SIN3A: variants seen among roughly 807,000 people sequenced by gnomAD.
SIN3A encodes SIN3 transcription regulator family member A.
In SIN3A, 14 loss-of-function variants were observed where a neutral mutation model predicts 146.1. That is an observed-to-expected ratio of 0.10 (90% confidence interval 0.06 to 0.15). The LOEUF (loss-of-function observed/expected upper bound fraction) is 0.15, where lower values mean the gene tolerates loss of function less well. Ranked by LOEUF, SIN3A falls within the 10% of genes least tolerant of loss-of-function variation. The pLI, the probability that SIN3A is intolerant of heterozygous loss-of-function variation, is 1.00. For synonymous variants in SIN3A, 572 were observed against 572.0 expected, an observed-to-expected ratio of 1.00 and a Z score of 0.00; for missense variants, 1,028 against 1,576.0, an observed-to-expected ratio of 0.65 and a Z score of 5.89.
intron 12 of SIN3A, among the ~76,000 whole-genome samples, chr15:75,396,929 ACAAT>A (rs1318779686): frequency 6.6e-6 from 1 of 152,206 alleles, no homozygotes; most frequent in Non-Finnish European, 1.5e-5. Context: ...ACAAACAATA[ACAAT>A]CAAAACAATC....
chr15:75,397,634 C>G (rs1000335607), intron 12 of SIN3A, among the ~76,000 whole-genome samples: 2 of 152,204 alleles, frequency 1.3e-5, no homozygotes, highest in Non-Finnish European at 2.9e-5. Context: ...TGGGAGTTGT[C>G]TGTACTGAGG....
rs1354459466 is a variant in SIN3A at position 75,371,308 on chromosome 15, C to T, written c.*671G>A. The T allele has an allele frequency of 2.6e-5, 4 of 152,394 alleles. No homozygotes were observed. Among genetic ancestry groups the T allele is most frequent in the African/African-American group, 9.7e-5 (4 of 41,354 alleles). The allele number at this position is 152,394 out of a possible 1,614,324, so 9.4% of individuals were successfully genotyped here. Reference sequence around the variant, plus strand: ...CAGATACAAAACAGTTCCACGGGAGCTAAAAAGGACAACTGATTTGAACTC... The same window carrying T: ...CAGATACAAAACAGTTCCACGGGAGTTAAAAAGGACAACTGATTTGAACTC... On this transcript the variant is annotated 3_prime_UTR_variant, in exon 21 of 21. Coordinates refer to ENST00000394947, the MANE Select transcript of SIN3A (RefSeq NM_001145358.2).
At chr15:75,430,845 G>A (rs983489157) in intron 1 of SIN3A, among the ~76,000 whole-genome samples, 2 of 151,204 alleles carry the variant, frequency 1.3e-5, no homozygotes, top group South Asian at 2.1e-4. Flanking sequence ...GTGCCATCTC[G>A]GCTCACTGCA....
chr15:75,440,479 G>C (rs563885327), intron 1 of SIN3A, among the ~76,000 whole-genome samples: 1 of 151,904 alleles, frequency 6.6e-6, no homozygotes, highest in Non-Finnish European at 1.5e-5. Context: ...TGATCTGCCC[G>C]CTTCAGCCAC....
At chr15:75,421,717 T>G (rs1485543553) in intron 3 of SIN3A, 1 of 152,180 alleles carries the variant, frequency 6.6e-6, no homozygotes, top group Admixed American at 6.6e-5. Flanking sequence ...TCAGAGTTCC[T>G]CCATTTATTA....
intron 15 of SIN3A, among the ~76,000 whole-genome samples, chr15:75,391,147 G>A: frequency 6.6e-6 from 1 of 152,168 alleles, no homozygotes; most frequent in South Asian, 2.1e-4. Context: ...ATAGGCTATA[G>A]ACTCCAAAAT....
In SIN3A at chr15:75,380,868, A is replaced by G. The variant is rs4886697; in HGVS notation, c.3289-145T>C. 9.3e-3 allele frequency: 5,806 copies of G among 624,016 alleles called. 176 individuals carry two copies. Among genetic ancestry groups the G allele is most frequent in the East Asian group, 0.092 (3,203 of 34,984 alleles). 38.7% of individuals were successfully genotyped at this position (624,016 alleles called of 1,614,324 possible). On this transcript the variant is annotated intron_variant, in intron 18 of 20. Transcript: ENST00000394947. ...AAAAGTCCCTTTCTATAAAGACATG[A>G]TTGTTAGTAGGTATTGGAACACGGA...
intron 9 of SIN3A, 81 bp from the exon 10 acceptor site, chr15:75,402,051 G>C (rs1394633746): frequency 3.5e-6 from 3 of 851,684 alleles, no homozygotes; most frequent in Non-Finnish European, 5.8e-6. Flanking sequence ...CTGTCGCCCA[G>C]GAGGAGGCGC....
At chr15:75,430,660 G>A (rs968012396) in intron 1 of SIN3A, among the ~76,000 whole-genome samples, 14 of 152,036 alleles carry the variant, frequency 9.2e-5, no homozygotes, top group African/African-American at 3.1e-4. Context: ...TGAAAAATAC[G>A]CTCCAATTTA....
intron 19 of SIN3A, among the ~76,000 whole-genome samples, chr15:75,378,887 GATAT>G (rs61263220): frequency 5.5e-5 from 8 of 144,958 alleles, no homozygotes; most frequent in Admixed American, 2.1e-4. Context: ...ATATAATAGG[GATAT>G]ATATATATAT....
At chr15:75,381,314 G>T (rs973243564) in intron 18 of SIN3A, among the ~76,000 whole-genome samples, 1 of 152,180 alleles carries the variant, frequency 6.6e-6, no homozygotes, top group Non-Finnish European at 1.5e-5. Flanking sequence ...GATGACATGA[G>T]AAAGACCTCA....
intron 19 of SIN3A, 78 bp downstream of exon 19, chr15:75,380,551 G>C: frequency 9.2e-7 from 1 of 1,086,762 alleles, no homozygotes; most frequent in Non-Finnish European, 1.4e-6. Flanking sequence ...TGAAGGCCAA[G>C]AACGTGAAAG....
intron 2 of SIN3A, among the ~76,000 whole-genome samples, chr15:75,426,203 C>A (rs1312598865): frequency 1.3e-5 from 2 of 152,128 alleles, no homozygotes; most frequent in African/African-American, 4.8e-5. Flanking sequence ...GGTAAACAAG[C>A]AACTTTTTTT....
intron 1 of SIN3A, among the ~76,000 whole-genome samples, chr15:75,436,929 T>C (rs2074117893): frequency 6.6e-6 from 1 of 152,122 alleles, no homozygotes; most frequent in South Asian, 2.1e-4. Flanking sequence ...AACACAGGGG[T>C]ATAGAGCATG....
chr15:75,436,175 A>G (rs1047898763), intron 1 of SIN3A, among the ~76,000 whole-genome samples: 1 of 151,788 alleles, frequency 6.6e-6, no homozygotes, highest in Non-Finnish European at 1.5e-5. Context: ...AGACAAAGAA[A>G]AAACATGCTA....
chr15:75,400,852 T>C lies in SIN3A; in HGVS notation c.1615A>G (p.Thr539Ala), dbSNP rs1464700220. The C allele has an allele frequency of 1.9e-6, 3 of 1,614,028 alleles. No homozygotes were observed. The highest frequency in any genetic ancestry group is 2.5e-6 in the Non-Finnish European group (3 of 1,179,980). The change falls in exon 11 of 21, where the codon ACA (threonine) becomes GCA (alanine). Residue 539 changes from threonine to alanine, a missense_variant. Physicochemically the swap from Thr to Ala is moderately conservative, Grantham distance 58 (BLOSUM62 0). Coordinates refer to ENST00000394947, the MANE Select transcript of SIN3A (RefSeq NM_001145358.2). Reference protein sequence around the residue: ...HLETYPKERATEGIAMEIDYA... With the variant: ...HLETYPKERAAEGIAMEIDYA... The stretch of plus-strand genomic sequence containing the variant: ...TCTATCTCCATAGCAATGCCCTCTG[T>C]GGCTCGCTCCTTTGGATAAGTTTCC...
At chr15:75,430,128 T>A in intron 2 of SIN3A, 59 bp downstream of exon 2, 1 of 1,385,558 alleles carries the variant, frequency 7.2e-7, no homozygotes, top group Non-Finnish European at 1.0e-6. Context: ...AGTTTTATAA[T>A]TGCCTAAAAC....
intron 19 of SIN3A, among the ~76,000 whole-genome samples, chr15:75,376,950 C>G (rs1017296664): frequency 7.9e-5 from 12 of 151,216 alleles, no homozygotes; most frequent in African/African-American, 2.4e-4. Context: ...GACAGCAGTT[C>G]TTTGTCCAAA....
rs149788185 is a variant in SIN3A at position 75,412,820 on chromosome 15, C to T, written c.699G>A (p.Gln233=). The T allele has an allele frequency of 5.3e-5, 86 of 1,608,954 alleles. No homozygotes were observed. Among genetic ancestry groups the T allele is most frequent in the Non-Finnish European group, 6.9e-5 (81 of 1,176,608 alleles). ...CTGGCTGGGCAGGAGCTGGGGCTGACTGGGCTGAAGGCTGGGAAGGATGTT... is the reference window on the plus strand; with the variant it reads ...CTGGCTGGGCAGGAGCTGGGGCTGATTGGGCTGAAGGCTGGGAAGGATGTT... ...PPQHPSQPSA[Q]SAPAPAQPAP... is the part of the protein sequence containing the mutation. The change falls in exon 5 of 21, where the codon CAG becomes CAA. Residue 233 remains glutamine, a synonymous_variant. Coordinates refer to ENST00000394947, the MANE Select transcript of SIN3A (RefSeq NM_001145358.2).
Sources: allele counts gnomAD v4.1 joint callset (sites outside exome capture counted in the v4.1 genomes callset), GRCh38; gene constraint gnomAD v4.1.1; transcripts MANE v1.5; gene names NCBI Gene and HGNC (gene_info 2026-07-23, HGNC 2026-07-21).